RANBP10: variants seen among roughly 807,000 people sequenced by gnomAD.
The protein encoded by RANBP10 is ran-binding protein 10.
A neutral mutation model predicts 72.8 loss-of-function variants in RANBP10; 24 were observed. That is an observed-to-expected ratio of 0.33 (90% CI 0.24 to 0.46). The LOEUF (loss-of-function observed/expected upper bound fraction) is 0.46. RANBP10 is among the 20% of genes least tolerant of loss of function. The pLI is 1.00. For synonymous variants in RANBP10, 310 were observed against 322.3 expected, an observed-to-expected ratio of 0.96 and a Z score of 0.41; for missense variants, 679 against 817.5, an observed-to-expected ratio of 0.83 and a Z score of 2.07.
chr16:67,741,468 G>A (rs564556439), intron 4 of RANBP10, among the ~76,000 whole-genome samples: 20 of 152,196 alleles, frequency 1.3e-4, no homozygotes, highest in Non-Finnish European at 2.1e-4. Flanking sequence ...GGATGCAAAC[G>A]GGATAGCTGA....
At chr16:67,769,209 A>C (rs1281753862) in intron 3 of RANBP10, among the ~76,000 whole-genome samples, 2 of 152,052 alleles carry the variant, frequency 1.3e-5, no homozygotes, top group Non-Finnish European at 2.9e-5. Flanking sequence ...TGGGAGGCCG[A>C]GATGGGTGGA....
intron 4 of RANBP10, among the ~76,000 whole-genome samples, chr16:67,742,073 C>CT (rs758902349): frequency 0.013 from 1,799 of 141,136 alleles, 25 homozygotes; most frequent in African/African-American, 0.036. Flanking sequence ...CTAAGTGATT[C>CT]TTTTTTTTTT....
chr16:67,777,205 C>T (rs1445978622), intron 2 of RANBP10, among the ~76,000 whole-genome samples: 2 of 147,056 alleles, frequency 1.4e-5, no homozygotes, highest in Non-Finnish European at 3.0e-5. Flanking sequence ...AGCGAAACTC[C>T]GTCCCCCACC....
intron 3 of RANBP10, among the ~76,000 whole-genome samples, chr16:67,756,611 G>A (rs1054740693): frequency 2.6e-5 from 4 of 152,192 alleles, no homozygotes; most frequent in African/African-American, 9.6e-5. Context: ...GCTGAGTCAG[G>A]AGAATCGCTT....
At chr16:67,771,034 A>G (rs1372864854) in intron 3 of RANBP10, among the ~76,000 whole-genome samples, 1 of 152,198 alleles carries the variant, frequency 6.6e-6, no homozygotes, top group East Asian at 1.9e-4. Context: ...AGGCCAAGGC[A>G]GGCTGATGGC....
At chr16:67,796,073 T>C (rs531869782) in intron 2 of RANBP10, among the ~76,000 whole-genome samples, 20 of 151,728 alleles carry the variant, frequency 1.3e-4, no homozygotes, top group Admixed American at 1.1e-3. Flanking sequence ...CCTGCCACCA[T>C]GCCCAGCTAA....
At chr16:67,793,536 T>C (rs1597918324) in intron 2 of RANBP10, among the ~76,000 whole-genome samples, 1 of 152,174 alleles carries the variant, frequency 6.6e-6, no homozygotes, top group Non-Finnish European at 1.5e-5. Context: ...GGTCTCAAAC[T>C]CCTAACCTCA....
At chr16:67,785,559 CT>C (rs60635676) in intron 2 of RANBP10, among the ~76,000 whole-genome samples, 139 of 151,938 alleles carry the variant, frequency 9.1e-4, no homozygotes, top group Non-Finnish European at 1.5e-3. Flanking sequence ...AAAACCCCGT[CT>C]CCACTAAAAA....
At chr16:67,755,683 C>CAAAAAAA (rs58929828) in intron 3 of RANBP10, among the ~76,000 whole-genome samples, 5 of 54,370 alleles carry the variant, frequency 9.2e-5, no homozygotes, top group African/African-American at 3.3e-4. Context: ...GACTCTGCCT[C>CAAAAAAA]AAAAAAAAAA....
In RANBP10 at chr16:67,726,520, C is replaced by T. The variant is rs774290904; in HGVS notation, c.1771G>A (p.Ala591Thr). The change falls in exon 14 of 14, where the codon GCC becomes ACC. Residue 591 changes from alanine to threonine, a missense_variant. Coordinates refer to ENST00000317506, the MANE Select transcript of RANBP10 (RefSeq NM_020850.3). ...NLPKQPPLML[A>T]LGQASECLRL... Reference sequence around the variant, plus strand: ...AGACACTCAGATGCCTGGCCCAGGGCGAGCATCAGAGGGGGCTGCTTTGGC... The same window carrying T: ...AGACACTCAGATGCCTGGCCCAGGGTGAGCATCAGAGGGGGCTGCTTTGGC... 5 of 1,575,108 alleles carry T rather than the reference C, an allele frequency of 3.2e-6. No individual in the cohort carries two copies. The highest frequency in any genetic ancestry group is 2.3e-5 in the South Asian group (2 of 86,140).
intron 4 of RANBP10, among the ~76,000 whole-genome samples, chr16:67,743,393 A>AG (rs2054006907): frequency 1.3e-5 from 2 of 151,742 alleles, no homozygotes; most frequent in Non-Finnish European, 2.9e-5. Flanking sequence ...CCAGGCAGGC[A>AG]GACCAGGCTG....
chr16:67,771,594 C>T (rs2054608729), intron 3 of RANBP10, among the ~76,000 whole-genome samples: 1 of 152,146 alleles, frequency 6.6e-6, no homozygotes, highest in Admixed American at 6.6e-5. Context: ...ATCCATCCAC[C>T]TCGGCCTCCC....
At chr16:67,806,093 G>A (rs1415194493) in intron 1 of RANBP10, among the ~76,000 whole-genome samples, 4 of 152,226 alleles carry the variant, frequency 2.6e-5, no homozygotes, top group African/African-American at 9.6e-5. Context: ...CACCTGTTGC[G>A]GTTCTCTTGA....
intron 4 of RANBP10, among the ~76,000 whole-genome samples, chr16:67,743,514 G>A (rs541611128): frequency 2.0e-4 from 30 of 152,240 alleles, no homozygotes; most frequent in South Asian, 1.9e-3. Context: ...AAATGTCTAC[G>A]CATGTACAGG....
At chr16:67,793,380 C>T (rs1286961062) in intron 2 of RANBP10, among the ~76,000 whole-genome samples, 1 of 150,306 alleles carries the variant, frequency 6.7e-6, no homozygotes, top group Non-Finnish European at 1.5e-5. Context: ...GGCACGACCA[C>T]GGCTCATTGC....
intron 3 of RANBP10, among the ~76,000 whole-genome samples, chr16:67,763,197 G>A (rs1300151904): frequency 6.6e-6 from 1 of 152,204 alleles, no homozygotes; most frequent in Non-Finnish European, 1.5e-5. Context: ...ATACAGAGAG[G>A]AGAGCAGAGG....
Position 67,743,122 on chromosome 16 carries a change from C to T in RANBP10, c.568+1166G>A, listed in dbSNP as rs151291414. ...GCCCCAGCCATCAGCACTCCAATTC[C>T]CACTCAGGTCCCCTGATACTAGCTG... On this transcript the variant is annotated intron_variant, in intron 4 of 13. Transcript: ENST00000317506. Among the ~76,000 whole-genome samples, 1,203 of 152,348 alleles carry T rather than the reference C, an allele frequency of 7.9e-3. 7 individuals carry two copies. The highest frequency in any genetic ancestry group is 0.022 in the African/African-American group (927 of 41,572).
intron 3 of RANBP10, among the ~76,000 whole-genome samples, chr16:67,767,498 G>A (rs937114947): frequency 2.1e-5 from 3 of 143,432 alleles, no homozygotes; most frequent in Admixed American, 1.4e-4. Flanking sequence ...ACTGTAACTC[G>A]CGCCTATAAT....
chr16:67,782,311 G>A (rs2054827386), intron 2 of RANBP10, among the ~76,000 whole-genome samples: 1 of 151,762 alleles, frequency 6.6e-6, no homozygotes, highest in South Asian at 2.1e-4. Context: ...GGGTAGTTTA[G>A]AGATGGGGAT....
Sources: allele counts gnomAD v4.1 joint callset (sites outside exome capture counted in the v4.1 genomes callset), GRCh38; gene constraint gnomAD v4.1.1; transcripts MANE v1.5; gene names NCBI Gene and HGNC (gene_info 2026-07-23, HGNC 2026-07-21).